Variants in IL17RA observed in about 807,000 individuals in gnomAD.
IL17RA encodes the protein interleukin-17 receptor A.
IL17RA carries 34 observed loss-of-function variants against 50.4 expected under a neutral mutation model. The observed-to-expected ratio is 0.67, with a 90% CI of 0.51 to 0.90. The LOEUF is 0.90. Among genes scored for constraint, IL17RA ranks in the 40% least tolerant of loss-of-function variants. The probability of loss-of-function intolerance (pLI) is 0.00; values close to 1 mark genes in which losing one functional copy is unlikely to be tolerated. For synonymous variants in IL17RA, 585 were observed against 510.4 expected (o/e 1.15, Z -1.97); for missense variants, 1,276 against 1,169.8 (o/e 1.09, Z -1.32).
Position 17,113,455 on chromosome 22 carries a change from C to A in IL17RA, c.*3635C>A, listed in dbSNP as rs545954918. On this transcript the variant is annotated 3_prime_UTR_variant, in exon 13 of 13. Coordinates refer to ENST00000319363, the MANE Select transcript of IL17RA (RefSeq NM_014339.7). ...CAAGCCATCTGCCCGCCTCATCCTCCCAAAGTGCTGGGATTATAGGCCTGA... is the reference window on the plus strand; with the variant it reads ...CAAGCCATCTGCCCGCCTCATCCTCACAAAGTGCTGGGATTATAGGCCTGA... 6.6e-6 allele frequency: 1 copy of A among 152,408 alleles called. No individual in the cohort carries two copies. Among genetic ancestry groups the A allele is most frequent in the South Asian group, 2.1e-4 (1 of 4,828 alleles). 9.4% of individuals were successfully genotyped at this position (152,408 alleles called of 1,614,324 possible).
chr22:17,106,369 C>G (rs1231642512), intron 11 of IL17RA, among the ~76,000 whole-genome samples: 2 of 152,178 alleles, frequency 1.3e-5, no homozygotes, highest in Non-Finnish European at 2.9e-5. Context: ...CTCCGGCTGC[C>G]CTGAGCCACA....
chr22:17,102,743 C>T (rs1337806845), intron 7 of IL17RA, among the ~76,000 whole-genome samples: 4 of 151,862 alleles, frequency 2.6e-5, no homozygotes, highest in Non-Finnish European at 5.9e-5. Flanking sequence ...GAGTTCGAGA[C>T]TACAGTAAGC....
At chr22:17,089,256 A>G (rs1427532761) in intron 1 of IL17RA, among the ~76,000 whole-genome samples, 1 of 152,184 alleles carries the variant, frequency 6.6e-6, no homozygotes, top group Non-Finnish European at 1.5e-5. Flanking sequence ...GGCAGCAGAG[A>G]TTAAGATCAT....
intron 1 of IL17RA, among the ~76,000 whole-genome samples, chr22:17,086,025 G>A (rs1427440381): frequency 1.3e-5 from 2 of 152,168 alleles, no homozygotes; most frequent in Middle Eastern, 3.2e-3. Context: ...TGAGAGCGCA[G>A]TCGGAGGGTC....
intron 5 of IL17RA, among the ~76,000 whole-genome samples, chr22:17,101,469 T>G (rs2061391106): frequency 6.6e-6 from 1 of 152,214 alleles, no homozygotes; most frequent in Non-Finnish European, 1.5e-5. Context: ...TCTCTTCTAC[T>G]GGGTTGCAAT....
chr22:17,098,288 A>T (rs2061375888), intron 3 of IL17RA, among the ~76,000 whole-genome samples: 1 of 152,230 alleles, frequency 6.6e-6, no homozygotes, highest in South Asian at 2.1e-4. Flanking sequence ...CCCTGAATTT[A>T]GGGGCCAGCA....
intron 1 of IL17RA, among the ~76,000 whole-genome samples, chr22:17,089,957 G>A (rs1365182473): frequency 2.7e-5 from 4 of 150,734 alleles, no homozygotes; most frequent in Non-Finnish European, 5.9e-5. Context: ...ATATGTCTTA[G>A]TAATATCCTA....
rs547906480 is a variant in IL17RA, at chr22:17,112,989, GT to G, written c.*3179del. On this transcript the variant is annotated 3_prime_UTR_variant, in exon 13 of 13. Transcript: ENST00000319363. Reference sequence around the variant, plus strand: ...TTTCCTGCCTACTATCTTGATCCTAGTTTTTTTTTTGTTTTTTTTTTTTTTA... The same window carrying G: ...TTTCCTGCCTACTATCTTGATCCTAGTTTTTTTTTGTTTTTTTTTTTTTTA... 80,481 of 144,772 alleles carry G rather than the reference GT, an allele frequency of 0.56. 22,483 individuals are homozygous for G. Among genetic ancestry groups the G allele is most frequent in the Middle Eastern group, 0.69 (193 of 280 alleles). 9.0% of individuals were successfully genotyped at this position (144,772 alleles called of 1,614,324 possible). A position where few individuals can be genotyped will look rare whatever the true frequency, so the allele number is the denominator to read the frequency against.
Position 17,100,265 on chromosome 22 carries a change from G to A in IL17RA, c.424-90G>A, listed in dbSNP as rs575110790. 4.0e-4 allele frequency: 591 copies of A among 1,492,470 alleles called. 4 individuals carry two copies. The highest frequency in any genetic ancestry group is 4.7e-4 in the Non-Finnish European group (498 of 1,070,638). The allele number at this position is 1,492,470 out of a possible 1,614,324, so 92.5% of individuals were successfully genotyped here. A position where few individuals can be genotyped will look rare whatever the true frequency, so the allele number is the denominator to read the frequency against. ...TGTTCTTATTTTTGGCTGAATATTC[G>A]GGAGTGGGTGGGAACGGGGGTCTTT... On this transcript the variant is annotated intron_variant, in intron 4 of 12. Coordinates refer to ENST00000319363, the MANE Select transcript of IL17RA (RefSeq NM_014339.7).
intron 1 of IL17RA, among the ~76,000 whole-genome samples, chr22:17,086,838 G>A (rs978544796): frequency 2.0e-5 from 3 of 152,336 alleles, no homozygotes; most frequent in Non-Finnish European, 2.9e-5. Context: ...GACAGGGTAC[G>A]GTGTGTGGCC....
rs746817140 is a variant in IL17RA at position 17,109,419 on chromosome 22, A to G, written c.2200A>G (p.Met734Val). The change falls in exon 13 of 13, where the codon ATG (methionine) becomes GTG (valine). Residue 734 changes from methionine to valine, a missense_variant. Met to Val is a conservative substitution (Grantham distance 21, BLOSUM62 1). Transcript: ENST00000319363. ...CTCGCCCCTTGGCAGCAGCACCCCC[A>G]TGGCGTCTCCTGACCTCCTTCCAGA... ...EDSPLGSSTP[M>V]ASPDLLPEDV... The G allele has an allele frequency of 1.4e-5, 23 of 1,613,120 alleles. No homozygotes were observed. The highest frequency in any genetic ancestry group is 1.2e-4 in the African/African-American group (9 of 74,908).
rs2061394463 is a variant in IL17RA at position 17,102,220 on chromosome 22, C to CG, written c.680_681insG (p.Thr228TyrfsTer20). ...GTGAGCTTCACCCTGTGGAACGAAT[C>CG]TACCCATTACCAGATCCTGCTGACC... On this transcript the variant is annotated frameshift_variant, in exon 7 of 13. Transcript: ENST00000319363. LOFTEE classifies it high-confidence loss of function. 1.2e-6 allele frequency: 2 copies of CG among 1,614,088 alleles called. No individual in the cohort carries two copies. Among genetic ancestry groups the CG allele is most frequent in the African/African-American group, 2.7e-5 (2 of 74,916 alleles).
At chr22:17,104,575 G>T (rs2302520) in intron 8 of IL17RA, 151 bp from the exon 9 acceptor site, 592,142 of 736,566 alleles carry the variant, frequency 0.8, 238,865 homozygotes, top group African/African-American at 0.9. Flanking sequence ...GCAGGGGTTC[G>T]CTGACCCGCC....
rs139743316 is a variant in IL17RA at position 17,098,871 on chromosome 22, G to A, written c.407G>A (p.Arg136Lys). 23 of 1,613,978 alleles carry A rather than the reference G, an allele frequency of 1.4e-5. No individual in the cohort carries two copies. Among genetic ancestry groups the A allele is most frequent in the Non-Finnish European group, 1.8e-5 (21 of 1,179,960 alleles). The change falls in exon 4 of 13, where the codon AGG (arginine) becomes AAG (lysine). Residue 136 changes from arginine to lysine, a missense_variant. Physicochemically the swap from Arg to Lys is conservative, Grantham distance 26. Coordinates refer to ENST00000319363, the MANE Select transcript of IL17RA (RefSeq NM_014339.7). Reference sequence around the variant, plus strand: ...AGGTTTGAGTTTCTGTCCAAACTGAGGCATCACCACAGGCGGGTAAGAACA... The same window carrying A: ...AGGTTTGAGTTTCTGTCCAAACTGAAGCATCACCACAGGCGGGTAAGAACA... ...CVRFEFLSKLRHHHRRWRFTF... is the reference protein window; with the variant it reads ...CVRFEFLSKLKHHHRRWRFTF...
intron 7 of IL17RA, among the ~76,000 whole-genome samples, chr22:17,102,699 T>C (rs2061396228): frequency 6.6e-6 from 1 of 152,066 alleles, no homozygotes; most frequent in Non-Finnish European, 1.5e-5. Context: ...CCCAATACTT[T>C]GGGAGGCCAA....
chr22:17,085,323 C>A, intron 1 of IL17RA, 94 bp downstream of exon 1: 1 of 1,506,292 alleles, frequency 6.6e-7, no homozygotes, highest in Non-Finnish European at 8.8e-7. Flanking sequence ...CGCGCCCGGG[C>A]TGGGGAGGCA....
intron 1 of IL17RA, among the ~76,000 whole-genome samples, chr22:17,091,399 G>A (rs41369647): frequency 0.014 from 2,187 of 152,198 alleles, 49 homozygotes; most frequent in African/African-American, 0.05. Flanking sequence ...GTTATTGGCC[G>A]GGCGCCGTAG....
intron 3 of IL17RA, among the ~76,000 whole-genome samples, 185 bp downstream of exon 3, chr22:17,098,128 G>A (rs886269750): frequency 2.0e-5 from 3 of 152,136 alleles, no homozygotes; most frequent in Non-Finnish European, 4.4e-5. Context: ...AACCCACAGT[G>A]ATACCTTCTC....
In IL17RA at chr22:17,110,662, C is replaced by A. The variant is rs776465077; in HGVS notation, c.*842C>A. On this transcript the variant is annotated 3_prime_UTR_variant, in exon 13 of 13. Coordinates refer to ENST00000319363, the MANE Select transcript of IL17RA (RefSeq NM_014339.7). ...TGGGCGACATAGTGAGACCTCATCT[C>A]TACCTAAATTTTTTTTTAGTCAGTC... 2 of 151,772 alleles carry A rather than the reference C, an allele frequency of 1.3e-5. No individual in the cohort carries two copies. The highest frequency in any genetic ancestry group is 2.9e-5 in the Non-Finnish European group (2 of 68,024). 9.4% of individuals were successfully genotyped at this position (151,772 alleles called of 1,614,324 possible).
Sources: gnomAD v4.1 joint callset for allele counts (sites outside exome capture counted in the v4.1 genomes callset) on GRCh38, gnomAD v4.1.1 for gene constraint, MANE v1.5 for transcripts, NCBI Gene and HGNC (gene_info 2026-07-23, HGNC 2026-07-21) for gene names.